Variants in ME1 observed in about 807,000 individuals in gnomAD.
ME1 encodes the protein malic enzyme 1.
Under a neutral mutation model 66.4 loss-of-function variants are expected in ME1, and 74 were observed. The ratio of observed to expected loss-of-function variants is 1.11; its 90% CI spans 0.92 to 1.35. The LOEUF (loss-of-function observed/expected upper bound fraction) is 1.35, where lower values mean the gene tolerates loss of function less well. Ranked by LOEUF, ME1 falls within the 40% of genes most tolerant of loss-of-function variation. The pLI, the probability that ME1 is intolerant of heterozygous loss-of-function variation, is 0.00. For synonymous variants in ME1, 251 were observed against 235.6 expected (o/e 1.07, Z -0.60); for missense variants, 750 against 694.1 (o/e 1.08, Z -0.90).
intron 6 of ME1, among the ~76,000 whole-genome samples, chr6:83,289,678 C>G (rs1201909421): frequency 6.6e-6 from 1 of 151,992 alleles, no homozygotes; most frequent in Non-Finnish European, 1.5e-5. Flanking sequence ...CCTTTTTTCT[C>G]ATTGATCAGA....
chr6:83,411,307 T>C (rs1770044935), intron 1 of ME1, among the ~76,000 whole-genome samples: 1 of 151,482 alleles, frequency 6.6e-6, no homozygotes, highest in South Asian at 2.1e-4. Flanking sequence ...GAGGTTGCAG[T>C]GAGCCGAGAT....
At chr6:83,406,298 G>A (rs888106877) in intron 2 of ME1, among the ~76,000 whole-genome samples, 1 of 151,886 alleles carries the variant, frequency 6.6e-6, no homozygotes, top group African/African-American at 2.4e-5. Context: ...TTCTTTTTTT[G>A]TTGTGTCTCT....
chr6:83,350,531 T>A (rs192456452), intron 4 of ME1, among the ~76,000 whole-genome samples: 1 of 152,198 alleles, frequency 6.6e-6, no homozygotes, highest in East Asian at 1.9e-4. Context: ...AGTGGTGTGA[T>A]CATAGTACAT....
chr6:83,328,386 C>T (rs1314002125), intron 5 of ME1, among the ~76,000 whole-genome samples: 1 of 152,078 alleles, frequency 6.6e-6, no homozygotes, highest in Non-Finnish European at 1.5e-5. Flanking sequence ...ATGAGTGCAG[C>T]AAACCACCAT....
chr6:83,210,830 T>C lies in ME1; in HGVS notation c.*1094A>G, dbSNP rs959344008. The C allele has an allele frequency of 3.9e-5, 6 of 152,230 alleles. No homozygotes were observed. Among genetic ancestry groups the C allele is most frequent in the African/African-American group, 1.4e-4 (6 of 41,462 alleles). The allele number at this position is 152,230 out of a possible 1,614,324, so 9.4% of individuals were successfully genotyped here. A position where few individuals can be genotyped will look rare whatever the true frequency, so the allele number is the denominator to read the frequency against. ...AAAGTAAATTAATACAGTCTGGGCA[T>C]ATAACTACTCTTTCTCATAGAATGG... On this transcript the variant is annotated 3_prime_UTR_variant, in exon 14 of 14. Coordinates refer to ENST00000369705, the MANE Select transcript of ME1 (RefSeq NM_002395.6).
At chr6:83,243,342 A>T (rs958807934) in intron 7 of ME1, among the ~76,000 whole-genome samples, 1 of 138,168 alleles carries the variant, frequency 7.2e-6, no homozygotes, top group Non-Finnish European at 1.5e-5. Flanking sequence ...TAATTATATT[A>T]TATTTATATA....
chr6:83,285,003 T>C (rs1356164813), intron 6 of ME1, among the ~76,000 whole-genome samples: 1 of 152,198 alleles, frequency 6.6e-6, no homozygotes, highest in African/African-American at 2.4e-5. Context: ...GATTTTGCCA[T>C]TGTGAATAGC....
chr6:83,397,562 T>A (rs1447099621), intron 3 of ME1, among the ~76,000 whole-genome samples: 1 of 152,144 alleles, frequency 6.6e-6, no homozygotes, highest in African/African-American at 2.4e-5. Flanking sequence ...GAAAACAGTA[T>A]GGAAGCTTCT....
intron 3 of ME1, among the ~76,000 whole-genome samples, chr6:83,358,877 TC>T (rs1460741413): frequency 6.6e-6 from 1 of 152,116 alleles, no homozygotes; most frequent in Non-Finnish European, 1.5e-5. Flanking sequence ...TTTTTTTTTT[TC>T]TTTTTTCTTT....
At chr6:83,319,513 T>C (rs936296326) in intron 5 of ME1, among the ~76,000 whole-genome samples, 2 of 152,086 alleles carry the variant, frequency 1.3e-5, no homozygotes, top group Admixed American at 6.6e-5. Context: ...TATGGCACTA[T>C]CTTGGATTAT....
At chr6:83,213,574 C>A (rs1789939663) in intron 13 of ME1, among the ~76,000 whole-genome samples, 1 of 152,108 alleles carries the variant, frequency 6.6e-6, no homozygotes, top group Non-Finnish European at 1.5e-5. Flanking sequence ...GCCATGTTGG[C>A]CAGTCTGGTC....
At chr6:83,407,186 A>G (rs2128551925) in intron 2 of ME1, among the ~76,000 whole-genome samples, 1 of 152,308 alleles carries the variant, frequency 6.6e-6, no homozygotes, top group Non-Finnish European at 1.5e-5. Flanking sequence ...CCTTAGTAAG[A>G]AAGAGTGGAG....
At chr6:83,300,893 G>T (rs931086429) in intron 6 of ME1, among the ~76,000 whole-genome samples, 1 of 152,146 alleles carries the variant, frequency 6.6e-6, no homozygotes, top group African/African-American at 2.4e-5. Context: ...CACGTCCTTT[G>T]TAGAGACATG....
intron 6 of ME1, among the ~76,000 whole-genome samples, chr6:83,266,599 T>C (rs1766995030): frequency 6.6e-6 from 1 of 152,202 alleles, no homozygotes; most frequent in African/African-American, 2.4e-5. Flanking sequence ...AAATATTATG[T>C]TCCCTGTTTT....
At chr6:83,221,613 G>T (rs1790092745) in intron 12 of ME1, among the ~76,000 whole-genome samples, 1 of 152,162 alleles carries the variant, frequency 6.6e-6, no homozygotes, top group Non-Finnish European at 1.5e-5. Context: ...TAAGGACACA[G>T]TAGGGCATGT....
At chr6:83,349,293 T>C (rs1284469490) in intron 4 of ME1, among the ~76,000 whole-genome samples, 1 of 152,172 alleles carries the variant, frequency 6.6e-6, no homozygotes, top group Non-Finnish European at 1.5e-5. Flanking sequence ...ATGTAGTTTA[T>C]CACTAAATTA....
chr6:83,364,175 T>C (rs921741971), intron 3 of ME1, among the ~76,000 whole-genome samples: 1 of 152,164 alleles, frequency 6.6e-6, no homozygotes. Flanking sequence ...GCTGCCAGCA[T>C]GGCTAGAATA....
chr6:83,274,751 G>A (rs1455690150), intron 6 of ME1, among the ~76,000 whole-genome samples: 5 of 152,198 alleles, frequency 3.3e-5, no homozygotes, highest in African/African-American at 4.8e-5. Flanking sequence ...CAAACCAGAT[G>A]TGCTTGCTGC....
In ME1 at chr6:83,347,114, C is replaced by T. The variant is rs532062802; in HGVS notation, c.439-780G>A. On this transcript the variant is annotated intron_variant, in intron 4 of 13. Transcript: ENST00000369705. ...GATTACAGGCGCCCGCCACCACGCC[C>T]GGCTAATTTTTGTATTTTTAGTAGA... Among the ~76,000 whole-genome samples, 62 of 151,994 alleles carry T rather than the reference C, an allele frequency of 4.1e-4. No homozygotes were observed. The Middle Eastern group carries it at 0.01, about 25-fold the overall frequency.
Sources: allele counts gnomAD v4.1 joint callset (sites outside exome capture counted in the v4.1 genomes callset), GRCh38; gene constraint gnomAD v4.1.1; transcripts MANE v1.5; gene names NCBI Gene and HGNC (gene_info 2026-07-23, HGNC 2026-07-21).